DIAPH2: variants seen among roughly 807,000 people sequenced by gnomAD.
The protein encoded by DIAPH2 is protein diaphanous homolog 2.
DIAPH2 carries 35 observed loss-of-function variants against 92.7 expected under a neutral mutation model. The ratio of observed to expected loss-of-function variants is 0.38; its 90% confidence interval spans 0.29 to 0.50. The LOEUF (loss-of-function observed/expected upper bound fraction) is 0.50. Ranked by LOEUF, DIAPH2 falls within the 20% of genes least tolerant of loss-of-function variation. The pLI is 0.94. For missense variants in DIAPH2, 701 were observed against 819.5 expected (o/e 0.86, Z 1.77); for synonymous variants, 301 against 280.4 (o/e 1.07, Z -0.73).
intron 26 of DIAPH2, among the ~76,000 whole-genome samples, chrX:97,467,188 A>G (rs1386495213): frequency 8.9e-6 from 1 of 112,123 alleles, no homozygotes; most frequent in Non-Finnish European, 1.9e-5. Context: ...ATGAGATAGG[A>G]AAAGTCCATC....
intron 17 of DIAPH2, among the ~76,000 whole-genome samples, chrX:96,990,820 C>T (rs1389901618): frequency 9.0e-6 from 1 of 111,119 alleles, no homozygotes; most frequent in Non-Finnish European, 1.9e-5. Flanking sequence ...ATCAATATCA[C>T]TGGAGTCTGG....
At chrX:96,813,784 G>T (rs2064706845) in intron 4 of DIAPH2, among the ~76,000 whole-genome samples, 2 of 111,585 alleles carry the variant, frequency 1.8e-5, no homozygotes, top group African/African-American at 6.5e-5. Flanking sequence ...CACTTATGAA[G>T]CTTAGTTCGG....
At chrX:97,298,855 T>C (rs2068669950) in intron 23 of DIAPH2, among the ~76,000 whole-genome samples, 1 of 110,894 alleles carries the variant, frequency 9.0e-6, no homozygotes, top group African/African-American at 3.3e-5. Flanking sequence ...ACTGACCTCG[T>C]GATCCGCCCG....
intron 26 of DIAPH2, among the ~76,000 whole-genome samples, chrX:97,458,818 G>A (rs1345320624): frequency 8.9e-6 from 1 of 111,852 alleles, no homozygotes; most frequent in Non-Finnish European, 1.9e-5. Flanking sequence ...ATGAAGGGAT[G>A]AGAAGTACTT....
intron 5 of DIAPH2, among the ~76,000 whole-genome samples, chrX:96,893,345 G>C (rs2065320208): frequency 9.0e-6 from 1 of 111,049 alleles, no homozygotes; most frequent in Non-Finnish European, 1.9e-5. Context: ...TGTTTATCAG[G>C]TAAACAGTTC....
intron 24 of DIAPH2, among the ~76,000 whole-genome samples, chrX:97,383,412 A>G (rs1024598531): frequency 9.1e-6 from 1 of 109,886 alleles, no homozygotes; most frequent in Non-Finnish European, 1.9e-5. Context: ...CAAAACTCCT[A>G]TAAGGTAGTT....
Position 96,984,548 on chromosome X carries a change from C to T in DIAPH2, c.2050+19341C>T, listed in dbSNP as rs142217668. Among the ~76,000 whole-genome samples, 1,026 of 111,590 alleles carry T rather than the reference C, an allele frequency of 9.2e-3. 22 individuals are homozygous for T. The highest frequency in any genetic ancestry group is 0.032 in the African/African-American group (975 of 30,750). On this transcript the variant is annotated intron_variant, in intron 17 of 26. Transcript: ENST00000324765. ...ACTCTTTTTGTTGATTGTCTGAATT[C>T]ATTATCTCCATTATTTGTCTCTTGC...
chrX:96,732,379 A>G (rs944389111), intron 1 of DIAPH2, among the ~76,000 whole-genome samples: 2 of 112,200 alleles, frequency 1.8e-5, no homozygotes, highest in African/African-American at 3.2e-5. Context: ...ATATCTGCTT[A>G]AAGATTTTCC....
chrX:97,048,658 G>A (rs767152617), intron 17 of DIAPH2, among the ~76,000 whole-genome samples: 1 of 111,051 alleles, frequency 9.0e-6, no homozygotes, highest in East Asian at 2.8e-4. Context: ...AAAATGATAC[G>A]TGGCCAATTA....
chrX:96,712,509 G>A (rs2063924861), intron 1 of DIAPH2, among the ~76,000 whole-genome samples: 1 of 110,359 alleles, frequency 9.1e-6, no homozygotes, highest in Admixed American at 9.7e-5. Flanking sequence ...CTTTTGTTTT[G>A]TCTGGTAGTT....
At position 97,062,301 on chromosome X, in the gene DIAPH2, T is replaced by C. The variant is rs188930655; in HGVS notation, c.2051-10640T>C. On this transcript the variant is annotated intron_variant, in intron 17 of 26. Transcript: ENST00000324765. ...GGTTACTGTTAACAATATTTGCACT[T>C]TTCTATTTGGGAAGTATTTATTGAG... 2.5e-3 allele frequency among the ~76,000 whole-genome samples: 283 copies of C among 112,133 alleles called. 3 individuals are homozygous for C. Among genetic ancestry groups the C allele is most frequent in the African/African-American group, 8.6e-3 (264 of 30,867 alleles).
chrX:97,419,518 T>TA (rs1306978326), intron 25 of DIAPH2, among the ~76,000 whole-genome samples: 8 of 111,931 alleles, frequency 7.1e-5, no homozygotes, highest in Non-Finnish European at 1.3e-4. Context: ...CATGTGCTGG[T>TA]AAAAAACCGC....
At chrX:97,481,712 C>G (rs944704304) in intron 26 of DIAPH2, among the ~76,000 whole-genome samples, 12 of 111,063 alleles carry the variant, frequency 1.1e-4, no homozygotes, top group Non-Finnish European at 1.9e-4. Context: ...TCTTTTGTAT[C>G]TCTACTCCCT....
intron 26 of DIAPH2, among the ~76,000 whole-genome samples, chrX:97,493,594 T>C (rs995770026): frequency 4.5e-5 from 5 of 110,911 alleles, no homozygotes; most frequent in African/African-American, 1.6e-4. Context: ...TCTACCTCTG[T>C]TAGGGCCAGA....
intron 26 of DIAPH2, among the ~76,000 whole-genome samples, chrX:97,507,979 C>G (rs1402710871): frequency 1.8e-5 from 2 of 110,944 alleles, no homozygotes; most frequent in African/African-American, 6.6e-5. Context: ...TTACGTGACT[C>G]ATTTCTGTAA....
In DIAPH2 at chrX:96,939,369, G is replaced by T. The variant is rs151286521; in HGVS notation, c.1312G>T (p.Asp438Tyr). 2.0e-6 allele frequency: 2 copies of T among 992,490 alleles called. No individual in the cohort carries two copies. Among genetic ancestry groups the T allele is most frequent in the Non-Finnish European group, 1.4e-6 (1 of 709,813 alleles). 81.8% of individuals were successfully genotyped at this position (992,490 alleles called of 1,213,427 possible). Residue 438 changes from aspartate (D) to tyrosine (Y), a missense_variant, in exon 12 of 27, where the codon GAT becomes TAT. By Grantham distance (160) the Asp-to-Tyr change is radical. This residue lies in a region of DIAPH2 where 536 missense variants were observed against 599.3 expected (regional missense o/e 0.89). Coordinates refer to ENST00000324765, the MANE Select transcript of DIAPH2 (RefSeq NM_006729.5). ...ILQHFLLIRNDYYIRPQYYKI... is the reference protein window; with the variant it reads ...ILQHFLLIRNYYYIRPQYYKI... Reference sequence around the variant, plus strand: ...ACAACATTTTTTGCTTATCAGAAATGATTATTATATCAGGTAAGAGGCAGT... The same window carrying T: ...ACAACATTTTTTGCTTATCAGAAATTATTATTATATCAGGTAAGAGGCAGT...
In DIAPH2 at chrX:96,942,158, G is replaced by A. The variant is rs773590793; in HGVS notation, c.1444+22G>A. Reference sequence around the variant, plus strand: ...ATAGGTATGTATCATAATCCTCATTGTCCTCTGATTGTGTTTTGTGCCTTC... The same window carrying A: ...ATAGGTATGTATCATAATCCTCATTATCCTCTGATTGTGTTTTGTGCCTTC... On this transcript the variant is annotated intron_variant, in intron 13 of 26. Transcript: ENST00000324765. The A allele has an allele frequency of 7.4e-6, 7 of 952,235 alleles. No homozygotes were observed. The South Asian group carries it at 1.4e-4, about 19-fold the overall frequency. 78.5% of individuals were successfully genotyped at this position (952,235 alleles called of 1,213,427 possible).
chrX:97,585,253 CTTT>C lies in DIAPH2; in HGVS notation c.3242-13985_3242-13983del, dbSNP rs5903087. 3.4e-3 allele frequency among the ~76,000 whole-genome samples: 313 copies of C among 92,127 alleles called. 1 individual carries two copies. The highest frequency in any genetic ancestry group is 6.1e-3 in the African/African-American group (154 of 25,346). The allele number at this position is 92,127 out of a possible 115,157, so 80.0% of individuals were successfully genotyped here. A position where few individuals can be genotyped will look rare whatever the true frequency, so the allele number is the denominator to read the frequency against. ...ATAATGCCCTAGTGAGCTCCACTGA[CTTT>C]TTTTTTTTTTTTTTAATGAAATTGG... On this transcript the variant is annotated intron_variant, in intron 26 of 26. Coordinates refer to ENST00000324765, the MANE Select transcript of DIAPH2 (RefSeq NM_006729.5).
At chrX:96,717,894 A>G (rs1363133274) in intron 1 of DIAPH2, among the ~76,000 whole-genome samples, 1 of 96,456 alleles carries the variant, frequency 1.0e-5, no homozygotes, top group East Asian at 3.3e-4. Flanking sequence ...CATACAATGT[A>G]TAATAATCAC....
Sources: gnomAD v4.1 joint callset for allele counts (sites outside exome capture counted in the v4.1 genomes callset) on GRCh38, gnomAD v4.1.1 for gene constraint, gnomAD v4.1.1 regional missense constraint, MANE v1.5 for transcripts, NCBI Gene and HGNC (gene_info 2026-07-23, HGNC 2026-07-21) for gene names.